DSCAM: variants seen among roughly 807,000 people sequenced by gnomAD.
The protein encoded by DSCAM is DS cell adhesion molecule, also known as cell adhesion molecule DSCAM.
DSCAM carries 47 observed loss-of-function variants against 217.7 expected under a neutral mutation model. That is an observed-to-expected ratio of 0.22 (90% CI 0.17 to 0.28). DSCAM has a LOEUF of 0.28. Among genes scored for constraint, DSCAM ranks in the 10% least tolerant of loss-of-function variants. DSCAM has a pLI of 1.00. For synonymous variants in DSCAM, 1,056 were observed against 1,015.3 expected (o/e 1.04, Z -0.76); for missense variants, 2,080 against 2,618.3 (o/e 0.79, Z 4.49).
chr21:40,171,225 G>A (rs1425464852), intron 15 of DSCAM, among the ~76,000 whole-genome samples: 1 of 152,114 alleles, frequency 6.6e-6, no homozygotes, highest in African/African-American at 2.4e-5. Context: ...TTACAGGTGT[G>A]TGCCACCACG....
At chr21:40,437,234 A>T (rs1471385443) in intron 3 of DSCAM, among the ~76,000 whole-genome samples, 1 of 152,194 alleles carries the variant, frequency 6.6e-6, no homozygotes, top group Admixed American at 6.5e-5. Flanking sequence ...TGTTTGGGTC[A>T]CATTCAGGAC....
intron 6 of DSCAM, among the ~76,000 whole-genome samples, chr21:40,342,412 C>T (rs1042199456): frequency 1.5e-4 from 23 of 151,554 alleles, no homozygotes; most frequent in African/African-American, 5.6e-4. Context: ...GTCACCTATT[C>T]GCAAATCATG....
At position 40,291,885 on chromosome 21, in the gene DSCAM, C is replaced by T. The variant is rs73904766; in HGVS notation, c.2182+4170G>A. 5.4e-3 allele frequency among the ~76,000 whole-genome samples: 820 copies of T among 152,316 alleles called. 11 individuals carry two copies. Among genetic ancestry groups the T allele is most frequent in the African/African-American group, 0.019 (798 of 41,568 alleles). ...AAGGAGGCCCAGGCCAGGCCCCAGG[C>T]TGATGCATCATCTATTCTCTCGCAT... On this transcript the variant is annotated intron_variant, in intron 10 of 32. Coordinates refer to ENST00000400454, the MANE Select transcript of DSCAM (RefSeq NM_001389.5).
intron 3 of DSCAM, among the ~76,000 whole-genome samples, chr21:40,603,349 G>A (rs191075687): frequency 6.6e-6 from 1 of 152,166 alleles, no homozygotes; most frequent in Admixed American, 6.5e-5. Flanking sequence ...GTTGTTTGAT[G>A]GCATTGTTAC....
chr21:40,494,482 C>A (rs940434973), intron 3 of DSCAM, among the ~76,000 whole-genome samples: 3 of 151,946 alleles, frequency 2.0e-5, no homozygotes, highest in African/African-American at 7.3e-5. Context: ...AAACATGTTC[C>A]TGAATGATCA....
At chr21:40,615,753 G>A (rs1439651986) in intron 3 of DSCAM, among the ~76,000 whole-genome samples, 1 of 152,010 alleles carries the variant, frequency 6.6e-6, no homozygotes, top group Non-Finnish European at 1.5e-5. Flanking sequence ...GTCTTTCCTG[G>A]GCAGAGAGCT....
chr21:40,605,198 G>C (rs952223464), intron 3 of DSCAM, among the ~76,000 whole-genome samples: 5 of 152,122 alleles, frequency 3.3e-5, no homozygotes, highest in Non-Finnish European at 7.4e-5. Flanking sequence ...GCAATTCATT[G>C]AACTTACCAT....
At chr21:40,760,998 T>G (rs1336739849) in intron 1 of DSCAM, among the ~76,000 whole-genome samples, 1 of 152,220 alleles carries the variant, frequency 6.6e-6, no homozygotes, top group Non-Finnish European at 1.5e-5. Flanking sequence ...ACTTGGAGTT[T>G]GGCTCTTTGC....
intron 1 of DSCAM, among the ~76,000 whole-genome samples, chr21:40,823,229 C>G (rs1306479012): frequency 1.5e-5 from 2 of 134,454 alleles, no homozygotes; most frequent in Non-Finnish European, 3.1e-5. Context: ...GTGTGTGTGT[C>G]AATAAGTGTG....
At chr21:40,031,731 C>A (rs1057099393) in intron 32 of DSCAM, among the ~76,000 whole-genome samples, 1 of 152,186 alleles carries the variant, frequency 6.6e-6, no homozygotes, top group African/African-American at 2.4e-5. Context: ...AAGAAGACAG[C>A]AAAGACCATC....
intron 3 of DSCAM, among the ~76,000 whole-genome samples, chr21:40,493,288 A>AAGT (rs1411504142): frequency 6.6e-6 from 1 of 152,220 alleles, no homozygotes; most frequent in African/African-American, 2.4e-5. Context: ...CATAAAGCTG[A>AAGT]AGTAGTTCAT....
intron 22 of DSCAM, 103 bp downstream of exon 22, chr21:40,087,067 A>T: frequency 1.2e-6 from 1 of 858,070 alleles, no homozygotes; most frequent in African/African-American, 1.7e-5. Context: ...GTTTTCACTA[A>T]TATAAATAAA....
intron 16 of DSCAM, among the ~76,000 whole-genome samples, chr21:40,164,142 G>T (rs1467435698): frequency 6.6e-6 from 1 of 152,168 alleles, no homozygotes; most frequent in Non-Finnish European, 1.5e-5. Context: ...AAGCCACTGG[G>T]TGGGAACCTC....
At chr21:40,183,751 G>A (rs907419515) in intron 14 of DSCAM, among the ~76,000 whole-genome samples, 1 of 152,228 alleles carries the variant, frequency 6.6e-6, no homozygotes, top group Non-Finnish European at 1.5e-5. Flanking sequence ...CAAGCATAGA[G>A]TGAATGGTCA....
chr21:40,319,518 T>G (rs1202781502), intron 8 of DSCAM, among the ~76,000 whole-genome samples: 1 of 152,230 alleles, frequency 6.6e-6, no homozygotes, highest in Non-Finnish European at 1.5e-5. Context: ...TTCCATGTCT[T>G]GGCTGTCGTG....
intron 3 of DSCAM, among the ~76,000 whole-genome samples, chr21:40,410,986 CTTTAAAAGATAATTAACCA>C (rs1294406627): frequency 1.3e-5 from 2 of 152,000 alleles, no homozygotes; most frequent in South Asian, 2.1e-4. Flanking sequence ...TTTAAAATAT[CTTTAAAAGATAATTAACCA>C]TTTAAAAGAT....
intron 11 of DSCAM, among the ~76,000 whole-genome samples, chr21:40,238,566 C>T (rs2073108113): frequency 2.6e-5 from 4 of 152,152 alleles, no homozygotes; most frequent in African/African-American, 9.7e-5. Context: ...ACAGAGACAA[C>T]CAAGCGCTCT....
chr21:40,593,095 G>T (rs1402300399), intron 3 of DSCAM, among the ~76,000 whole-genome samples: 1 of 152,180 alleles, frequency 6.6e-6, no homozygotes, highest in Non-Finnish European at 1.5e-5. Context: ...TACTGCCTTA[G>T]AAACCTGTTA....
Position 40,083,958 on chromosome 21 carries a change from G to A in DSCAM, c.4181C>T (p.Ser1394Phe). 2 of 1,613,908 alleles carry A rather than the reference G, an allele frequency of 1.2e-6. No individual in the cohort carries two copies. The highest frequency in any genetic ancestry group is 1.7e-6 in the Non-Finnish European group (2 of 1,179,922). ...RLTVSKTTSS[S>F]ITLSWLPGDN... ...TCCAGGGAGCCAAGAAAGGGTGATG[G>A]AGGAAGACGTGGTCTTGGAGACTGT... Residue 1394 changes from serine (S) to phenylalanine (F), a missense_variant, in exon 24 of 33, where the codon TCC becomes TTC. This residue lies in a region of DSCAM where 1,144 missense variants were observed against 1,421.1 expected (regional missense o/e 0.81). Transcript: ENST00000400454.
Sources: gnomAD v4.1 joint callset for allele counts (sites outside exome capture counted in the v4.1 genomes callset) on GRCh38, gnomAD v4.1.1 for gene constraint, gnomAD v4.1.1 regional missense constraint, MANE v1.5 for transcripts, NCBI Gene and HGNC (gene_info 2026-07-23, HGNC 2026-07-21) for gene names.